The following STARD13 variants were observed in gnomAD, a reference collection of about 807,000 sequenced individuals.
The protein encoded by STARD13 is stAR-related lipid transfer protein 13.
In STARD13, 62 loss-of-function variants were observed where a neutral mutation model predicts 106.4. The ratio of observed to expected loss-of-function variants is 0.58; its 90% CI spans 0.48 to 0.72. The LOEUF is 0.72. Ranked by LOEUF, STARD13 falls within the 30% of genes least tolerant of loss-of-function variation. The pLI is 0.00. For synonymous variants in STARD13, 565 were observed against 553.0 expected (o/e 1.02, Z -0.31); for missense variants, 1,387 against 1,424.0 (o/e 0.97, Z 0.42).
At chr13:33,199,020 C>A (rs969112961) in intron 1 of STARD13, among the ~76,000 whole-genome samples, 1 of 152,214 alleles carries the variant, frequency 6.6e-6, no homozygotes. Flanking sequence ...TATAGTCACG[C>A]TGAGGTTCAC....
the STARD13 span, among the ~76,000 whole-genome samples, chr13:33,518,751 G>A: frequency 2.6e-5 from 4 of 152,192 alleles, no homozygotes; most frequent in East Asian, 1.9e-4. Context: ...ACTTCAAGAC[G>A]CTGATATTTA....
At chr13:33,109,808 C>T in intron 12 of STARD13, 65 bp downstream of exon 12, 6 of 1,489,696 alleles carry the variant, frequency 4.0e-6, no homozygotes, top group Non-Finnish European at 5.6e-6. Context: ...AGGAGAAGTG[C>T]TCACATCTAC....
the STARD13 span, among the ~76,000 whole-genome samples, chr13:33,382,626 G>T: frequency 6.6e-6 from 1 of 152,094 alleles, no homozygotes; most frequent in Non-Finnish European, 1.5e-5. Flanking sequence ...ACTCTAAAAG[G>T]CCATAATTTA....
chr13:33,208,446 C>T (rs1332313345), intron 1 of STARD13, among the ~76,000 whole-genome samples: 5 of 152,040 alleles, frequency 3.3e-5, no homozygotes, highest in Admixed American at 2.0e-4. Context: ...ACAGGGAACA[C>T]GTGGGGGAAA....
At chr13:33,617,319 A>G in the STARD13 span, among the ~76,000 whole-genome samples, 33 of 152,288 alleles carry the variant, frequency 2.2e-4, no homozygotes, top group Non-Finnish European at 1.0e-4. Flanking sequence ...CCTCCCATAC[A>G]TAAGCAATCA....
chr13:33,343,297 G>A (rs2077980570), intron 1 of STARD13, among the ~76,000 whole-genome samples: 2 of 151,194 alleles, frequency 1.3e-5, no homozygotes, highest in South Asian at 4.2e-4. Flanking sequence ...AAATCTGGCT[G>A]GGCTCGGTGG....
intron 1 of STARD13, among the ~76,000 whole-genome samples, chr13:33,321,769 C>T (rs1893568565): frequency 6.6e-6 from 1 of 152,192 alleles, no homozygotes; most frequent in Non-Finnish European, 1.5e-5. Flanking sequence ...TTGCTTATTT[C>T]TCTCTCCACC....
At chr13:33,215,189 T>C (rs116886690) in intron 1 of STARD13, among the ~76,000 whole-genome samples, 1,521 of 151,840 alleles carry the variant, frequency 0.01, 13 homozygotes, top group Middle Eastern at 0.034. Context: ...GGGATCTTGC[T>C]TTCACATAAG....
intron 1 of STARD13, among the ~76,000 whole-genome samples, chr13:33,304,728 T>C (rs548446892): frequency 6.6e-6 from 1 of 152,346 alleles, no homozygotes; most frequent in East Asian, 1.9e-4. Flanking sequence ...GACATTGCCT[T>C]GCCCACAAGT....
intron 1 of STARD13, among the ~76,000 whole-genome samples, chr13:33,273,759 A>G (rs1298762865): frequency 1.3e-5 from 2 of 152,240 alleles, no homozygotes; most frequent in Non-Finnish European, 2.9e-5. Flanking sequence ...GAAAATTTAC[A>G]TGCATTGTAC....
At chr13:33,160,086 A>C (rs1394769287) in intron 3 of STARD13, among the ~76,000 whole-genome samples, 3 of 152,204 alleles carry the variant, frequency 2.0e-5, no homozygotes, top group African/African-American at 7.2e-5. Context: ...GACTTACCTA[A>C]GTAATCAAGA....
chr13:33,437,962 G>A, the STARD13 span, among the ~76,000 whole-genome samples: 1 of 152,162 alleles, frequency 6.6e-6, no homozygotes, highest in Non-Finnish European at 1.5e-5. Flanking sequence ...CACGATACCT[G>A]AAGACCCACA....
intron 1 of STARD13, among the ~76,000 whole-genome samples, chr13:33,188,638 G>T (rs1422798797): frequency 6.6e-6 from 1 of 152,172 alleles, no homozygotes; most frequent in South Asian, 2.1e-4. Context: ...CTTTTGAAGA[G>T]GATTCAATTT....
intron 1 of STARD13, among the ~76,000 whole-genome samples, chr13:33,319,832 A>C (rs929727500): frequency 5.3e-5 from 8 of 152,228 alleles, no homozygotes; most frequent in Admixed American, 1.3e-4. Context: ...TAAAACCCTA[A>C]AAGGAACCAG....
At chr13:33,164,669 T>C (rs1425494190) in intron 3 of STARD13, among the ~76,000 whole-genome samples, 2 of 152,224 alleles carry the variant, frequency 1.3e-5, no homozygotes, top group Non-Finnish European at 2.9e-5. Context: ...CAAATTATAA[T>C]TGTTATTTGC....
the STARD13 span, among the ~76,000 whole-genome samples, chr13:33,645,050 A>G: frequency 6.6e-6 from 1 of 152,162 alleles, no homozygotes; most frequent in Admixed American, 6.6e-5. Context: ...TGGAAGCAGG[A>G]GTCTCTTGCA....
chr13:33,225,393 G>A (rs1888571675), intron 1 of STARD13, among the ~76,000 whole-genome samples: 1 of 152,170 alleles, frequency 6.6e-6, no homozygotes, highest in African/African-American at 2.4e-5. Context: ...CTGTACATCT[G>A]CAGTCCCCCT....
the STARD13 span, among the ~76,000 whole-genome samples, chr13:33,570,731 G>C: frequency 2.6e-5 from 4 of 152,138 alleles, no homozygotes; most frequent in Non-Finnish European, 4.4e-5. Flanking sequence ...TTAACGGAGG[G>C]ACAGCTGTGC....
chr13:33,293,534 CT>C (rs1892370895), intron 1 of STARD13, among the ~76,000 whole-genome samples: 1 of 152,064 alleles, frequency 6.6e-6, no homozygotes. Flanking sequence ...TGGGAAGAGC[CT>C]TAAATACTGT....
Sources: gnomAD v4.1 joint callset for allele counts (sites outside exome capture counted in the v4.1 genomes callset) on GRCh38, gnomAD v4.1.1 for gene constraint, MANE v1.5 for transcripts, NCBI Gene and HGNC (gene_info 2026-07-23, HGNC 2026-07-21) for gene names.